The following LSAMP variants were observed in gnomAD, a reference collection of about 807,000 sequenced individuals.
The protein encoded by LSAMP is limbic system associated membrane protein.
In LSAMP, 7 loss-of-function variants were observed where a neutral mutation model predicts 38.6. The observed-to-expected ratio is 0.18, with a 90% CI of 0.10 to 0.34. The LOEUF is 0.34. LSAMP is among the 10% of genes least tolerant of loss of function. LSAMP has a pLI of 1.00. For synonymous variants in LSAMP, 154 were observed against 166.8 expected (o/e 0.92, Z 0.59); for missense variants, 313 against 420.0 (o/e 0.75, Z 2.23).
chr3:116,264,045 C>T (rs1382420859), intron 1 of LSAMP, among the ~76,000 whole-genome samples: 1 of 152,106 alleles, frequency 6.6e-6, no homozygotes, highest in African/African-American at 2.4e-5. Flanking sequence ...AACAAGTCTG[C>T]CTGCACTTGG....
chr3:116,170,192 G>C (rs1488391206), intron 1 of LSAMP, among the ~76,000 whole-genome samples: 1 of 152,064 alleles, frequency 6.6e-6, no homozygotes, highest in Non-Finnish European at 1.5e-5. Context: ...ATTCAATTTG[G>C]AAATTTTTTT....
intron 1 of LSAMP, among the ~76,000 whole-genome samples, chr3:116,421,974 C>A (rs1391752062): frequency 2.0e-5 from 3 of 152,128 alleles, no homozygotes; most frequent in Non-Finnish European, 4.4e-5. Flanking sequence ...AAGAATTGAC[C>A]ATAAATACCC....
intron 1 of LSAMP, among the ~76,000 whole-genome samples, chr3:116,324,829 C>T (rs1039617577): frequency 4.6e-5 from 7 of 152,080 alleles, no homozygotes; most frequent in Admixed American, 6.6e-5. Context: ...ATTACATTCC[C>T]TCATAACTAC....
At chr3:116,408,602 C>T (rs1408526772) in intron 1 of LSAMP, among the ~76,000 whole-genome samples, 2 of 151,984 alleles carry the variant, frequency 1.3e-5, no homozygotes, top group Non-Finnish European at 2.9e-5. Context: ...TAAAAATAGG[C>T]ATGTAATCCT....
chr3:116,208,794 T>C (rs1331562063), intron 1 of LSAMP, among the ~76,000 whole-genome samples: 1 of 152,186 alleles, frequency 6.6e-6, no homozygotes, highest in Non-Finnish European at 1.5e-5. Context: ...GAACCACTGC[T>C]CTCTTCAGAG....
intron 1 of LSAMP, among the ~76,000 whole-genome samples, chr3:116,415,454 T>C (rs913440372): frequency 6.6e-6 from 1 of 152,116 alleles, no homozygotes; most frequent in Non-Finnish European, 1.5e-5. Context: ...TGATACAGAT[T>C]CATTGGCCAC....
Position 116,119,661 on chromosome 3 carries a change from C to CT in LSAMP, c.156-33106dup, listed in dbSNP as rs3071059. On this transcript the variant is annotated intron_variant, in intron 1 of 6. Transcript: ENST00000490035. Reference sequence around the variant, plus strand: ...AAAGAGATAATTTCTTTTTTCTTTTCTTTTTTTTTTTTTTTGAGAAGGAGT... The same window carrying CT: ...AAAGAGATAATTTCTTTTTTCTTTTCTTTTTTTTTTTTTTTTGAGAAGGAGT... Among the ~76,000 whole-genome samples, 728 of 140,536 alleles carry CT rather than the reference C, an allele frequency of 5.2e-3. 1 individual carries two copies. Among genetic ancestry groups the CT allele is most frequent in the Middle Eastern group, 7.4e-3 (2 of 272 alleles). The allele number at this position is 140,536 out of a possible 152,430, so 92.2% of individuals were successfully genotyped here. A position where few individuals can be genotyped will look rare whatever the true frequency, so the allele number is the denominator to read the frequency against.
At chr3:116,259,782 C>T (rs919147352) in intron 1 of LSAMP, among the ~76,000 whole-genome samples, 4 of 152,036 alleles carry the variant, frequency 2.6e-5, no homozygotes, top group Non-Finnish European at 5.9e-5. Context: ...AAAGTCTCAA[C>T]TAAAAAAACA....
intron 1 of LSAMP, among the ~76,000 whole-genome samples, chr3:116,133,933 G>T (rs1018426550): frequency 7.2e-5 from 11 of 152,020 alleles, no homozygotes; most frequent in African/African-American, 1.5e-4. Flanking sequence ...AGGCTACAAG[G>T]TGGCATGACC....
intron 1 of LSAMP, among the ~76,000 whole-genome samples, chr3:116,244,882 C>T (rs566666152): frequency 6.6e-6 from 1 of 152,214 alleles, no homozygotes; most frequent in South Asian, 2.1e-4. Context: ...TTTAGTTGCT[C>T]TTGTTAGCAT....
chr3:116,334,565 A>C (rs2047894193), intron 1 of LSAMP, among the ~76,000 whole-genome samples: 1 of 152,164 alleles, frequency 6.6e-6, no homozygotes, highest in Non-Finnish European at 1.5e-5. Context: ...AATTTATTTC[A>C]GGAATGCAAG....
At chr3:116,284,338 A>T (rs529322299) in intron 1 of LSAMP, among the ~76,000 whole-genome samples, 1 of 152,208 alleles carries the variant, frequency 6.6e-6, no homozygotes, top group South Asian at 2.1e-4. Context: ...AATCTCACAC[A>T]TCTATCATTA....
At chr3:115,964,786 A>G (rs1215628952) in intron 3 of LSAMP, among the ~76,000 whole-genome samples, 1 of 152,154 alleles carries the variant, frequency 6.6e-6, no homozygotes, top group Non-Finnish European at 1.5e-5. Context: ...GGTAACATTA[A>G]CAATAGTAAC....
At chr3:115,861,168 T>C (rs1210901295) in intron 3 of LSAMP, among the ~76,000 whole-genome samples, 10 of 125,352 alleles carry the variant, frequency 8.0e-5, no homozygotes, top group African/African-American at 3.0e-4. Flanking sequence ...CTTCCTTCCT[T>C]CCTTCCTTCC....
intron 1 of LSAMP, among the ~76,000 whole-genome samples, chr3:116,154,634 G>A (rs1466171776): frequency 2.0e-5 from 3 of 152,142 alleles, no homozygotes; most frequent in South Asian, 4.2e-4. Flanking sequence ...CAGCTCCACT[G>A]GGCTCTTTTC....
chr3:116,390,739 C>CAAAA (rs60344430), intron 1 of LSAMP, among the ~76,000 whole-genome samples: 6 of 55,988 alleles, frequency 1.1e-4, no homozygotes, highest in African/African-American at 1.9e-4. Flanking sequence ...GACTCCGCCT[C>CAAAA]AAAAAAAAAA....
At chr3:116,139,437 T>C (rs1160328085) in intron 1 of LSAMP, among the ~76,000 whole-genome samples, 3 of 152,008 alleles carry the variant, frequency 2.0e-5, no homozygotes, top group Non-Finnish European at 4.4e-5. Context: ...CAAATGATTG[T>C]TTTTACTGCC....
At position 116,005,459 on chromosome 3, in the gene LSAMP, C is replaced by T. The variant is rs116800890; in HGVS notation, c.514+14056G>A. On this transcript the variant is annotated intron_variant, in intron 3 of 6. Transcript: ENST00000490035. ...TGATAGAATAACATTATGGGTTACT[C>T]CTGCTGCCAGACATTTCCTTGGCAG... 6.6e-3 allele frequency among the ~76,000 whole-genome samples: 1,002 copies of T among 152,266 alleles called. 5 individuals are homozygous for T. The highest frequency in any genetic ancestry group is 0.022 in the African/African-American group (914 of 41,546).
At chr3:115,935,743 A>G (rs1937679503) in intron 3 of LSAMP, among the ~76,000 whole-genome samples, 1 of 152,172 alleles carries the variant, frequency 6.6e-6, no homozygotes, top group South Asian at 2.1e-4. Flanking sequence ...GGAAGAGACA[A>G]AAATTTTTCA....
Sources: gnomAD v4.1 joint callset for allele counts (sites outside exome capture counted in the v4.1 genomes callset) on GRCh38, gnomAD v4.1.1 for gene constraint, MANE v1.5 for transcripts, NCBI Gene and HGNC (gene_info 2026-07-23, HGNC 2026-07-21) for gene names.